NAV3: variants seen among roughly 807,000 people sequenced by gnomAD.
NAV3 encodes pore membrane and/or filament interacting like protein 1.
In NAV3, 87 loss-of-function variants were observed where a neutral mutation model predicts 244.7. The ratio of observed to expected loss-of-function variants is 0.36; its 90% CI spans 0.30 to 0.42. The LOEUF (loss-of-function observed/expected upper bound fraction) is 0.42, where lower values mean the gene tolerates loss of function less well. NAV3 is among the 20% of genes least tolerant of loss of function. The pLI is 1.00. For missense variants in NAV3, 2,663 were observed against 2,893.3 expected (o/e 0.92, Z 1.83); for synonymous variants, 1,126 against 1,042.2 (o/e 1.08, Z -1.55).
At chr12:78,138,912 A>G (rs167275) in intron 19 of NAV3, among the ~76,000 whole-genome samples, 7,827 of 152,196 alleles carry the variant, frequency 0.051, 262 homozygotes, top group Non-Finnish European at 0.072. Context: ...ATTGAACTAG[A>G]TTGAAGGGAC....
chr12:77,919,636 C>G (rs981151850), intron 1 of NAV3, among the ~76,000 whole-genome samples: 1 of 152,030 alleles, frequency 6.6e-6, no homozygotes, highest in Non-Finnish European at 1.5e-5. Context: ...TGTTACCTAG[C>G]AACCATTGAA....
chr12:77,916,527 T>C (rs1177283617), intron 1 of NAV3, among the ~76,000 whole-genome samples: 3 of 127,024 alleles, frequency 2.4e-5, no homozygotes, highest in African/African-American at 1.0e-4. Context: ...GGCACGTTTT[T>C]CATTGATTTT....
chr12:77,990,984 A>G (rs992547816), intron 5 of NAV3, among the ~76,000 whole-genome samples: 2 of 152,168 alleles, frequency 1.3e-5, no homozygotes, highest in African/African-American at 4.8e-5. Flanking sequence ...TTGGTGACAC[A>G]TGACATATTA....
At chr12:77,698,250 C>T (rs995746170) in intron 2 of NAV3, among the ~76,000 whole-genome samples, 14 of 152,166 alleles carry the variant, frequency 9.2e-5, no homozygotes, top group African/African-American at 2.7e-4. Flanking sequence ...GCGTTAATAT[C>T]TTGGCTAGCT....
At chr12:77,863,284 G>A (rs2136355816) in intron 1 of NAV3, among the ~76,000 whole-genome samples, 1 of 151,798 alleles carries the variant, frequency 6.6e-6, no homozygotes, top group Non-Finnish European at 1.5e-5. Flanking sequence ...TCTCAAGATT[G>A]TTACAATAAA....
intron 5 of NAV3, 99 bp downstream of exon 5, chr12:77,968,801 G>A (rs1179763112): frequency 7.8e-6 from 9 of 1,159,740 alleles, no homozygotes; most frequent in Non-Finnish European, 1.1e-5. Context: ...ACGTACTCAT[G>A]TGCTTGTATC....
chr12:77,880,078 T>C (rs1310544539), intron 1 of NAV3, among the ~76,000 whole-genome samples: 2 of 152,166 alleles, frequency 1.3e-5, no homozygotes, highest in Non-Finnish European at 2.9e-5. Context: ...TAGTGATGAT[T>C]AATGAGTTTA....
chr12:78,189,547 A>AAC (rs984282277), intron 33 of NAV3, among the ~76,000 whole-genome samples: 1 of 145,072 alleles, frequency 6.9e-6, no homozygotes, highest in Admixed American at 6.9e-5. Context: ...TAAAAGAAAG[A>AAC]ACACACACAC....
intron 12 of NAV3, among the ~76,000 whole-genome samples, chr12:78,080,053 C>G (rs2137807367): frequency 6.6e-6 from 1 of 152,198 alleles, no homozygotes; most frequent in South Asian, 2.1e-4. Context: ...TGCCCTCTTC[C>G]CCACCCATTT....
chr12:78,189,769 G>A (rs1445617739), intron 33 of NAV3, among the ~76,000 whole-genome samples: 2 of 151,730 alleles, frequency 1.3e-5, no homozygotes, highest in Non-Finnish European at 2.9e-5. Flanking sequence ...AAAAGAAACA[G>A]CTTGCTTTTG....
chr12:77,884,372 T>C (rs535323792), intron 1 of NAV3, among the ~76,000 whole-genome samples: 20 of 152,068 alleles, frequency 1.3e-4, no homozygotes, highest in Non-Finnish European at 2.5e-4. Context: ...GTAGGATGTC[T>C]ACAAGCTGGA....
At chr12:78,111,673 A>T (rs1593627186) in intron 12 of NAV3, among the ~76,000 whole-genome samples, 1 of 152,178 alleles carries the variant, frequency 6.6e-6, no homozygotes, top group East Asian at 1.9e-4. Context: ...ATATAACCAC[A>T]TTGAAAAAAC....
intron 2 of NAV3, among the ~76,000 whole-genome samples, chr12:77,721,327 C>T (rs895321678): frequency 6.6e-6 from 1 of 152,008 alleles, no homozygotes; most frequent in African/African-American, 2.4e-5. Context: ...ATTCGTACAG[C>T]TGGTTCATTT....
chr12:78,057,632 C>T (rs1349554158), intron 11 of NAV3, among the ~76,000 whole-genome samples: 1 of 152,180 alleles, frequency 6.6e-6, no homozygotes, highest in Non-Finnish European at 1.5e-5. Flanking sequence ...CTAGACAATG[C>T]TGTATGCATG....
chr12:78,088,373 G>A (rs1445644401), intron 12 of NAV3, among the ~76,000 whole-genome samples: 1 of 151,944 alleles, frequency 6.6e-6, no homozygotes, highest in Non-Finnish European at 1.5e-5. Flanking sequence ...TATTATTATA[G>A]AATGTGTGAA....
chr12:78,178,567 G>A (rs542903943), intron 28 of NAV3, among the ~76,000 whole-genome samples: 10 of 152,170 alleles, frequency 6.6e-5, no homozygotes, highest in South Asian at 2.1e-4. Flanking sequence ...GTACAAGAAC[G>A]AACACATTTC....
intron 2 of NAV3, among the ~76,000 whole-genome samples, chr12:77,620,686 G>A (rs1010804460): frequency 1.7e-4 from 26 of 151,904 alleles, no homozygotes; most frequent in African/African-American, 6.0e-4. Context: ...GGTCTTGAAC[G>A]CCTGACCTCA....
chr12:77,858,033 A>G (rs900812362), intron 1 of NAV3, among the ~76,000 whole-genome samples: 4 of 152,102 alleles, frequency 2.6e-5, no homozygotes, highest in African/African-American at 4.8e-5. Context: ...CATTTGAGAC[A>G]AAATACAATC....
chr12:78,154,187 T>A (rs1957186362), intron 22 of NAV3, among the ~76,000 whole-genome samples: 2 of 139,042 alleles, frequency 1.4e-5, no homozygotes, highest in Admixed American at 1.5e-4. Flanking sequence ...ATATATAAAA[T>A]ACTATATTAT....
Sources: allele counts gnomAD v4.1 joint callset (sites outside exome capture counted in the v4.1 genomes callset), GRCh38; gene constraint gnomAD v4.1.1; transcripts MANE v1.5; gene names NCBI Gene and HGNC (gene_info 2026-07-23, HGNC 2026-07-21).